RORA: variants seen among roughly 807,000 people sequenced by gnomAD.
RORA encodes nuclear receptor ROR-alpha.
RORA carries 7 observed loss-of-function variants against 69.5 expected under a neutral mutation model. That is an observed-to-expected ratio of 0.10 (90% CI 0.06 to 0.19). RORA has a LOEUF of 0.19. Ranked by LOEUF, RORA falls within the 10% of genes least tolerant of loss-of-function variation. RORA has a pLI of 1.00. For missense variants in RORA, 457 were observed against 663.0 expected, an observed-to-expected ratio of 0.69 and a Z score of 3.41; for synonymous variants, 261 against 240.8, an observed-to-expected ratio of 1.08 and a Z score of -0.78.
chr15:60,605,048 C>T (rs900377698), intron 2 of RORA, among the ~76,000 whole-genome samples: 5 of 152,104 alleles, frequency 3.3e-5, no homozygotes, highest in Non-Finnish European at 5.9e-5. Context: ...GCTAACTCTC[C>T]ATGTATTTGG....
chr15:61,013,463 G>A (rs1211182438), intron 1 of RORA, among the ~76,000 whole-genome samples: 1 of 152,206 alleles, frequency 6.6e-6, no homozygotes, highest in African/African-American at 2.4e-5. Flanking sequence ...GAAGTGCTTT[G>A]TTACCTGCAA....
At chr15:60,949,830 A>T (rs984034454) in intron 1 of RORA, among the ~76,000 whole-genome samples, 1 of 152,202 alleles carries the variant, frequency 6.6e-6, no homozygotes, top group Non-Finnish European at 1.5e-5. Context: ...ACCATCTGTT[A>T]TGTGTCACCA....
In RORA at chr15:60,978,961, C is replaced by CTTTTTTTTTTTTTTTTTT. The variant is rs543353825; in HGVS notation, c.166+250074_166+250091dup. On this transcript the variant is annotated intron_variant, in intron 1 of 10. Transcript: ENST00000335670. ...GAAGTGTGAGTCCTCCAACTTTGCTCTTTTTTTTTTTTTTTTTTGAGACGG... is the reference window on the plus strand; with the variant it reads ...GAAGTGTGAGTCCTCCAACTTTGCTCTTTTTTTTTTTTTTTTTTTTTTTTTTTTTTTTTTTTGAGACGG... Among the ~76,000 whole-genome samples, 104 of 95,136 alleles carry CTTTTTTTTTTTTTTTTTT rather than the reference C, an allele frequency of 1.1e-3. 11 individuals carry two copies. Among genetic ancestry groups the CTTTTTTTTTTTTTTTTTT allele is most frequent in the African/African-American group, 3.4e-3 (84 of 24,426 alleles). The allele number at this position is 95,136 out of a possible 152,430, so 62.4% of individuals were successfully genotyped here.
intron 1 of RORA, among the ~76,000 whole-genome samples, chr15:60,801,167 A>C (rs1021355436): frequency 2.6e-5 from 4 of 152,226 alleles, no homozygotes; most frequent in African/African-American, 9.6e-5. Context: ...GAAGCATTTA[A>C]TCACCTCACC....
intron 1 of RORA, among the ~76,000 whole-genome samples, chr15:60,876,955 C>T (rs139506811): frequency 3.3e-5 from 5 of 152,096 alleles, no homozygotes; most frequent in Non-Finnish European, 5.9e-5. Context: ...GCCTTTCAGA[C>T]GGTGGAGGGT....
At chr15:60,636,785 GTA>G (rs2069849583) in intron 2 of RORA, among the ~76,000 whole-genome samples, 1 of 152,116 alleles carries the variant, frequency 6.6e-6, no homozygotes, top group Admixed American at 6.5e-5. Flanking sequence ...GTTCTTGCCA[GTA>G]TTTTCTCTAT....
intron 2 of RORA, among the ~76,000 whole-genome samples, chr15:60,670,308 C>T (rs1400987715): frequency 2.6e-5 from 4 of 151,020 alleles, no homozygotes; most frequent in African/African-American, 7.3e-5. Context: ...ATCCCAGGTT[C>T]AAGCGATTAT....
At chr15:60,622,621 C>T (rs138622798) in intron 2 of RORA, among the ~76,000 whole-genome samples, 2 of 152,254 alleles carry the variant, frequency 1.3e-5, no homozygotes, top group African/African-American at 2.4e-5. Context: ...GAGCCAGACC[C>T]GGTCTCAAAC....
intron 8 of RORA, 53 bp from the exon 9 acceptor site, chr15:60,501,122 AAAAACCT>A: frequency 1.0e-6 from 1 of 954,088 alleles, no homozygotes; most frequent in Non-Finnish European, 1.6e-6. Flanking sequence ...GTCTTAGGAG[AAAAACCT>A]AGGTCTTAGG....
chr15:61,020,545 T>C (rs1048023225), intron 1 of RORA, among the ~76,000 whole-genome samples: 5 of 152,206 alleles, frequency 3.3e-5, no homozygotes, highest in African/African-American at 1.2e-4. Flanking sequence ...TGTCTGGCTA[T>C]TGTTACAACA....
At chr15:61,020,800 G>A (rs1036993727) in intron 1 of RORA, among the ~76,000 whole-genome samples, 10 of 152,104 alleles carry the variant, frequency 6.6e-5, no homozygotes, top group East Asian at 3.8e-4. Flanking sequence ...CAAGGGCCCC[G>A]TATAATTTCC....
In RORA at chr15:61,142,947, G is replaced by C. The variant is rs562105589; in HGVS notation, c.166+86106C>G. ...ATACCCTAAGAGGCATTCCTATTAA[G>C]ACAAGAATGGTCATTGCCAATACCC... On this transcript the variant is annotated intron_variant, in intron 1 of 10. Transcript: ENST00000335670. Among the ~76,000 whole-genome samples, 4 of 152,220 alleles carry C rather than the reference G, an allele frequency of 2.6e-5. No individual in the cohort carries two copies. In the South Asian group the frequency reaches 8.3e-4, roughly 32 times the overall value.
At chr15:61,038,357 A>T (rs1896569318) in intron 1 of RORA, among the ~76,000 whole-genome samples, 1 of 152,220 alleles carries the variant, frequency 6.6e-6, no homozygotes, top group South Asian at 2.1e-4. Flanking sequence ...CAGAGGAAAC[A>T]GGTATTGATC....
intron 1 of RORA, among the ~76,000 whole-genome samples, chr15:61,186,307 C>T (rs2079740763): frequency 6.6e-6 from 1 of 152,034 alleles, no homozygotes. Context: ...ATTCTAAGAC[C>T]CTGATGTGCA....
chr15:60,899,755 T>G (rs1567230300), intron 1 of RORA, among the ~76,000 whole-genome samples: 1 of 152,232 alleles, frequency 6.6e-6, no homozygotes, highest in Non-Finnish European at 1.5e-5. Flanking sequence ...TAGAGCTTTA[T>G]CAGGATGGAG....
At chr15:60,548,907 G>A (rs953132938) in intron 2 of RORA, among the ~76,000 whole-genome samples, 5 of 152,192 alleles carry the variant, frequency 3.3e-5, no homozygotes, top group Non-Finnish European at 7.3e-5. Context: ...TTACAGGCAT[G>A]AGCCACCGCG....
At chr15:61,124,866 T>C (rs1309252726) in intron 1 of RORA, among the ~76,000 whole-genome samples, 2 of 152,214 alleles carry the variant, frequency 1.3e-5, no homozygotes, top group African/African-American at 4.8e-5. Flanking sequence ...CACATGACTC[T>C]ATCACTGTAA....
chr15:60,631,069 T>C (rs1263989579), intron 2 of RORA, among the ~76,000 whole-genome samples: 2 of 152,002 alleles, frequency 1.3e-5, no homozygotes, highest in African/African-American at 4.8e-5. Flanking sequence ...TTTGTATTTT[T>C]AGTAGAGACG....
intron 1 of RORA, among the ~76,000 whole-genome samples, chr15:60,810,981 T>C (rs1484908003): frequency 6.6e-6 from 1 of 152,224 alleles, no homozygotes; most frequent in Non-Finnish European, 1.5e-5. Context: ...ACTAGTCAGA[T>C]ACCACAGAGA....
Sources: gnomAD v4.1 joint callset for allele counts (sites outside exome capture counted in the v4.1 genomes callset) on GRCh38, gnomAD v4.1.1 for gene constraint, MANE v1.5 for transcripts, NCBI Gene and HGNC (gene_info 2026-07-23, HGNC 2026-07-21) for gene names.